Variants in LLGL2 observed in about 807,000 individuals in gnomAD.
LLGL2 encodes LLGL scribble cell polarity complex component 2, also known as LLGL2, scribble cell polarity complex component.
In LLGL2, 81 loss-of-function variants were observed where a neutral mutation model predicts 123.2. That is an observed-to-expected ratio of 0.66 (90% CI 0.55 to 0.79). The LOEUF (loss-of-function observed/expected upper bound fraction) is 0.79, where lower values mean the gene tolerates loss of function less well. LLGL2 is among the 30% of genes least tolerant of loss of function. The probability of loss-of-function intolerance (pLI) is 0.00; values close to 1 mark genes in which losing one functional copy is unlikely to be tolerated. For missense variants in LLGL2, 1,273 were observed against 1,414.6 expected (o/e 0.90, Z 1.61); for synonymous variants, 577 against 594.1 (o/e 0.97, Z 0.42).
chr17:75,556,943 C>T lies in LLGL2; in HGVS notation c.173+800C>T, dbSNP rs184557382. 7.3e-5 allele frequency among the ~76,000 whole-genome samples: 11 copies of T among 151,346 alleles called. No individual in the cohort carries two copies. The East Asian group carries it at 1.7e-3, about 24-fold the overall frequency. On this transcript the variant is annotated intron_variant, in intron 3 of 25. Transcript: ENST00000392550. ...ACTTGGGAGGCTGAGATGGGAGAAT[C>T]GTTTGAACCTGGGAGGCAGAGGTTG...
intron 1 of LLGL2, among the ~76,000 whole-genome samples, chr17:75,536,281 G>A (rs2053998014): frequency 6.6e-6 from 1 of 152,128 alleles, no homozygotes; most frequent in African/African-American, 2.4e-5. Flanking sequence ...CTCAGCCTGT[G>A]GGCTCCTGAA....
intron 6 of LLGL2, among the ~76,000 whole-genome samples, chr17:75,562,057 G>A (rs1006472296): frequency 6.6e-6 from 1 of 152,214 alleles, no homozygotes; most frequent in Admixed American, 6.5e-5. Flanking sequence ...TGGGTTTAGT[G>A]TGGCTTGGGT....
chr17:75,533,367 C>T (rs1240992068), intron 1 of LLGL2, among the ~76,000 whole-genome samples: 3 of 134,288 alleles, frequency 2.2e-5, no homozygotes, highest in East Asian at 4.4e-4. Context: ...TGCAGTGGCA[C>T]GATCTCGGCT....
At chr17:75,537,573 C>G (rs2054051998) in intron 1 of LLGL2, among the ~76,000 whole-genome samples, 1 of 152,072 alleles carries the variant, frequency 6.6e-6, no homozygotes, top group Admixed American at 6.6e-5. Flanking sequence ...TGGTGGACAC[C>G]TGTAATTCCA....
chr17:75,571,243 C>T (rs1310709742), intron 17 of LLGL2, 143 bp downstream of exon 17: 13 of 786,390 alleles, frequency 1.7e-5, no homozygotes, highest in Non-Finnish European at 2.7e-5. Flanking sequence ...GACTGCAGCC[C>T]CTGCCTGCTT....
chr17:75,548,279 CTTTT>C (rs112381847), intron 2 of LLGL2, among the ~76,000 whole-genome samples: 51,497 of 144,132 alleles, frequency 0.36, 9,807 homozygotes, highest in African/African-American at 0.44. Flanking sequence ...TTTTTTTTTC[CTTTT>C]TTTTTTTTTT....
chr17:75,525,006 AGCGGGGT>A, upstream of LLGL2: 1 of 158,882 alleles, frequency 6.3e-6, no homozygotes, highest in Admixed American at 5.9e-5. The surrounding 1 kb of genome is among the most constrained non-coding windows in gnomAD (Gnocchi z 4.8). Flanking sequence ...CCCTGGGCGC[AGCGGGGT>A]GCGGGTGGCG....
At chr17:75,570,558 G>T in intron 16 of LLGL2, 60 bp downstream of exon 16, 1 of 1,527,684 alleles carries the variant, frequency 6.5e-7, no homozygotes. Context: ...AGAGCAGCCA[G>T]CAGGGGGGCC....
At chr17:75,570,851 T>C (rs1312171992) in intron 16 of LLGL2, 99 bp from the exon 17 acceptor site, 1 of 1,438,702 alleles carries the variant, frequency 7.0e-7, no homozygotes, top group South Asian at 1.4e-5. Context: ...CTGGCATGGC[T>C]GTGGCCTGCC....
Position 75,569,153 on chromosome 17 carries a change from C to T in LLGL2, c.1476+22C>T, listed in dbSNP as rs777756217. The stretch of plus-strand genomic sequence containing the variant: ...CAAGGTGAGGCCAGGAGCCTGGGAC[C>T]CAGGAAGGGCAGAGGCCAGCTGGGT... On this transcript the variant is annotated intron_variant, in intron 13 of 25. Coordinates refer to ENST00000392550, the MANE Select transcript of LLGL2 (RefSeq NM_001031803.2). The T allele has an allele frequency of 5.6e-6, 9 of 1,612,940 alleles. No individual in the cohort carries two copies. In the East Asian group the frequency reaches 1.1e-4, roughly 20 times the overall value.
intron 1 of LLGL2, among the ~76,000 whole-genome samples, chr17:75,531,212 T>C (rs986301974): frequency 7.2e-5 from 11 of 152,222 alleles, no homozygotes; most frequent in African/African-American, 1.9e-4. Flanking sequence ...CAGGACTTCC[T>C]GGCCCCGGGA....
chr17:75,537,639 G>C (rs1303900537), intron 1 of LLGL2, among the ~76,000 whole-genome samples: 2 of 151,826 alleles, frequency 1.3e-5, no homozygotes, highest in African/African-American at 2.4e-5. Context: ...CACAGTTGCA[G>C]TGAGCTAAGA....
intron 18 of LLGL2, 53 bp downstream of exon 18, chr17:75,571,836 C>A: frequency 6.2e-7 from 1 of 1,604,524 alleles, no homozygotes; most frequent in Non-Finnish European, 8.5e-7. Flanking sequence ...GGGCTGGGTC[C>A]AGGGAGTGGC....
chr17:75,563,316 C>T lies in LLGL2; in HGVS notation c.694-15C>T, dbSNP rs1200298039. The T allele has an allele frequency of 6.2e-7, 1 of 1,611,866 alleles. No homozygotes were observed. Among genetic ancestry groups the T allele is most frequent in the African/African-American group, 1.3e-5 (1 of 75,050 alleles). On this transcript the variant is annotated splice_polypyrimidine_tract_variant and intron_variant, in intron 7 of 25. Coordinates refer to ENST00000392550, the MANE Select transcript of LLGL2 (RefSeq NM_001031803.2). The stretch of plus-strand genomic sequence containing the variant: ...CCAGCGTGCTGCCCTCTGTCCCTCT[C>T]CTCTTCCTCCATAGCAACTGGAGAA...
intron 1 of LLGL2, among the ~76,000 whole-genome samples, chr17:75,535,485 G>C (rs909901603): frequency 6.6e-6 from 1 of 152,240 alleles, no homozygotes; most frequent in African/African-American, 2.4e-5. Flanking sequence ...GGAACTTCCC[G>C]AGCTATGGAG....
rs1056714419 is a variant in LLGL2 at position 75,574,813 on chromosome 17, G to A, written c.3056-58G>A. On this transcript the variant is annotated intron_variant, in intron 25 of 25. Coordinates refer to ENST00000392550, the MANE Select transcript of LLGL2 (RefSeq NM_001031803.2). ...CACCATGTCTGGGCTCAGCGTGGGCGGCTGGGGCACCCCGTCCTGCCCAGG... is the reference window on the plus strand; with the variant it reads ...CACCATGTCTGGGCTCAGCGTGGGCAGCTGGGGCACCCCGTCCTGCCCAGG... 3.7e-5 allele frequency: 60 copies of A among 1,605,690 alleles called. 1 individual carries two copies. In the South Asian group the frequency reaches 4.7e-4, roughly 13 times the overall value.
Position 75,558,744 on chromosome 17 carries a change from C to T in LLGL2, c.371+117C>T, listed in dbSNP as rs1045484135. The T allele has an allele frequency of 2.5e-6, 2 of 798,574 alleles. No homozygotes were observed. Among genetic ancestry groups the T allele is most frequent in the Non-Finnish European group, 4.1e-6 (2 of 487,184 alleles). The allele number at this position is 798,574 out of a possible 1,614,324, so 49.5% of individuals were successfully genotyped here. A position where few individuals can be genotyped will look rare whatever the true frequency, so the allele number is the denominator to read the frequency against. On this transcript the variant is annotated intron_variant, in intron 5 of 25. Transcript: ENST00000392550. This position sits in a 1 kb window ranked among gnomAD's most constrained non-coding sequence, Gnocchi z 4.0. ...TGCGCCCCTGGCAGTGACTGGCATG[C>T]GTTTGGCCCGATGCATCGCCACACT...
Position 75,527,270 on chromosome 17 carries a change from A to T in LLGL2, c.-31+1445A>T, listed in dbSNP as rs533634868. On this transcript the variant is annotated intron_variant, in intron 1 of 25. Coordinates refer to ENST00000392550, the MANE Select transcript of LLGL2 (RefSeq NM_001031803.2). ...AGAGATGTCTCAGCTTTATTTTATGAACTGGGATTTGGGGTTTAGTTTTCT... is the reference window on the plus strand; with the variant it reads ...AGAGATGTCTCAGCTTTATTTTATGTACTGGGATTTGGGGTTTAGTTTTCT... 4.0e-5 allele frequency among the ~76,000 whole-genome samples: 6 copies of T among 151,784 alleles called. No homozygotes were observed. In the South Asian group the frequency reaches 1.3e-3, roughly 32 times the overall value.
chr17:75,568,125 G>A, intron 10 of LLGL2: 1 of 1,194,076 alleles, frequency 8.4e-7, no homozygotes, highest in Non-Finnish European at 1.0e-6. Context: ...GGCTTGACAG[G>A]TGCATCTGAG....
Sources: allele counts gnomAD v4.1 joint callset (sites outside exome capture counted in the v4.1 genomes callset), GRCh38; gene constraint gnomAD v4.1.1; non-coding constraint Gnocchi (gnomAD v3.1); transcripts MANE v1.5; gene names NCBI Gene and HGNC (gene_info 2026-07-23, HGNC 2026-07-21).